The following CSF1R variants were observed in gnomAD, a reference collection of about 807,000 sequenced individuals.
The protein encoded by CSF1R is colony stimulating factor 1 receptor, also known as macrophage colony-stimulating factor 1 receptor.
A neutral mutation model predicts 110.0 loss-of-function variants in CSF1R; 40 were observed. The observed-to-expected ratio is 0.36, with a 90% CI of 0.28 to 0.47. The LOEUF (loss-of-function observed/expected upper bound fraction) is 0.47, where lower values mean the gene tolerates loss of function less well. CSF1R is among the 20% of genes least tolerant of loss of function. CSF1R has a pLI of 0.99. For missense variants in CSF1R, 1,052 were observed against 1,253.0 expected (o/e 0.84, Z 2.42); for synonymous variants, 523 against 503.4 (o/e 1.04, Z -0.52).
chr5:150,061,376 T>G (rs1757513339), intron 12 of CSF1R, 115 bp downstream of exon 12: 1 of 907,016 alleles, frequency 1.1e-6, no homozygotes, highest in Non-Finnish European at 1.7e-6. Context: ...CTGAGCTCTG[T>G]CCCCCAGGCT....
chr5:150,097,834 G>A (rs1759276858), intron 1 of CSF1R, among the ~76,000 whole-genome samples: 3 of 152,184 alleles, frequency 2.0e-5, no homozygotes, highest in Non-Finnish European at 2.9e-5. Flanking sequence ...TCTTCTCCAG[G>A]TTAACCTACA....
At chr5:150,099,641 A>G (rs1327286180) in intron 1 of CSF1R, among the ~76,000 whole-genome samples, 1 of 149,618 alleles carries the variant, frequency 6.7e-6, no homozygotes, top group Non-Finnish European at 1.5e-5. Flanking sequence ...AAGGCTTCAT[A>G]CTCTTTGATC....
At chr5:150,065,928 ATC>A (rs558522107) in intron 10 of CSF1R, among the ~76,000 whole-genome samples, 37 of 152,346 alleles carry the variant, frequency 2.4e-4, no homozygotes, top group African/African-American at 8.9e-4. Context: ...CTTCTCTGGA[ATC>A]TCTGCATGAC....
At chr5:150,079,945 A>C (rs1018917273) in intron 3 of CSF1R, 107 bp downstream of exon 3, 10 of 1,312,728 alleles carry the variant, frequency 7.6e-6, no homozygotes, top group Non-Finnish European at 1.1e-5. Flanking sequence ...GAAAGAGGAC[A>C]TCCCACTGCC....
Position 150,094,792 on chromosome 5 carries a change from A to C in CSF1R, c.-180-8185T>G, listed in dbSNP as rs201540702. 4.8e-3 allele frequency: 7,256 copies of C among 1,511,330 alleles called. 20 individuals carry two copies. The highest frequency in any genetic ancestry group is 5.8e-3 in the Non-Finnish European group (6,395 of 1,097,892). 93.6% of individuals were successfully genotyped at this position (1,511,330 alleles called of 1,614,324 possible). On this transcript the variant is annotated intron_variant, in intron 1 of 21. Transcript: ENST00000286301. ...AAGCGTGGTTATGGCAAAATCAATA[A>C]GAAGCGAATTGCTTTGACAGATAAC...
At chr5:150,073,258 A>C (rs1364921422) in intron 6 of CSF1R, 43 bp downstream of exon 6, 2 of 1,574,700 alleles carry the variant, frequency 1.3e-6, no homozygotes, top group Middle Eastern at 4.1e-4. Context: ...AGCATACCCC[A>C]TCTGGTTGTC....
At chr5:150,074,305 GTTTTTTTT>G (rs35475636) in intron 5 of CSF1R, among the ~76,000 whole-genome samples, 1 of 126,864 alleles carries the variant, frequency 7.9e-6, no homozygotes, top group Non-Finnish European at 1.6e-5. Flanking sequence ...GTCCTGACTA[GTTTTTTTT>G]TTTTTTTTTT....
Position 150,073,417 on chromosome 5 carries a change from T to G in CSF1R, c.966A>C (p.Lys322Asn). 1.2e-6 allele frequency: 2 copies of G among 1,614,104 alleles called. No individual in the cohort carries two copies. The highest frequency in any genetic ancestry group is 1.7e-6 in the Non-Finnish European group (2 of 1,180,010). ...GGCCTGGGTAGGCCTCCACCATGAC[T>G]TTGAGGTTGAGCCCCTCCCCCACGG... is the stretch of plus-strand genomic sequence containing the variant. ...EVTVGEGLNL[K>N]VMVEAYPGLQ... is the part of the protein sequence containing the mutation. Residue 322 changes from lysine to asparagine, a missense_variant, in exon 6 of 21, where the codon AAA (lysine) becomes AAC (asparagine). Lys to Asn is a moderately conservative substitution (Grantham distance 94). Transcript: ENST00000675795.
intron 10 of CSF1R, among the ~76,000 whole-genome samples, chr5:150,066,521 C>T (rs1757782291): frequency 6.6e-6 from 1 of 152,186 alleles, no homozygotes; most frequent in Non-Finnish European, 1.5e-5. Flanking sequence ...AACTAAGGCC[C>T]AGAGAGGACA....
At position 150,057,275 on chromosome 5, in the gene CSF1R, G is replaced by T; in HGVS notation, c.2319+12C>A. On this transcript the variant is annotated intron_variant, in intron 16 of 20. Coordinates refer to ENST00000675795, the MANE Select transcript of CSF1R (RefSeq NM_001288705.3). ...CTGGGTGGCTATGAGCCAGGGCCAG[G>T]TTCCTACTCACATTCTTGGAAGCGA... The T allele has an allele frequency of 6.2e-7, 1 of 1,611,322 alleles. No individual in the cohort carries two copies. Among genetic ancestry groups the T allele is most frequent in the Non-Finnish European group, 8.5e-7 (1 of 1,178,934 alleles).
chr5:150,080,008 C>T (rs777500456), intron 3 of CSF1R, 44 bp downstream of exon 3: 1 of 1,589,634 alleles, frequency 6.3e-7, no homozygotes, highest in Non-Finnish European at 8.6e-7. Context: ...GGCTCTCTGT[C>T]CCCACTCTTC....
In CSF1R at chr5:150,081,004, C is replaced by G. The variant is rs1758517587; in HGVS notation, c.70G>C (p.Glu24Gln). The change falls in exon 2 of 21, where the codon GAG becomes CAG. Residue 24 changes from glutamate to glutamine, a missense_variant. Around this residue, in one of 5 missense-constraint regions of CSF1R, gnomAD observed 693 missense variants for 735.4 expected, o/e 0.94. Transcript: ENST00000675795. ...ACGACCAGCTCAGGGACACTGGGCT[C>G]TATCACTGGGATTCCCTGACCTGGT... ...AWHGQGIPVI[E>Q]PSVPELVVKP... 2 of 1,613,960 alleles carry G rather than the reference C, an allele frequency of 1.2e-6. No homozygotes were observed. The highest frequency in any genetic ancestry group is 1.1e-5 in the South Asian group (1 of 91,064).
chr5:150,061,458 C>G lies in CSF1R; in HGVS notation c.1858+33G>C. ...GCCCACCCCCAGCATCTACCACCCC[C>G]CATCCCTTCCCTCATCCCCTCCCCT... On this transcript the variant is annotated intron_variant, in intron 12 of 20. Coordinates refer to ENST00000675795, the MANE Select transcript of CSF1R (RefSeq NM_001288705.3). 2.7e-6 allele frequency: 3 copies of G among 1,120,176 alleles called. 1 individual carries two copies. The highest frequency in any genetic ancestry group is 1.4e-5 in the South Asian group (1 of 72,346). The allele number at this position is 1,120,176 out of a possible 1,614,324, so 69.4% of individuals were successfully genotyped here.
chr5:150,097,264 G>GGGAA (rs1759252456), intron 1 of CSF1R, among the ~76,000 whole-genome samples: 1 of 79,920 alleles, frequency 1.3e-5, no homozygotes, highest in African/African-American at 6.8e-5. Context: ...AAAAAGAAAG[G>GGGAA]GAAAGAAGGA....
intron 8 of CSF1R, 49 bp from the exon 9 acceptor site, chr5:150,070,112 C>T: frequency 1.9e-6 from 3 of 1,608,684 alleles, no homozygotes; most frequent in Non-Finnish European, 2.5e-6. Context: ...CCAGCGCCAG[C>T]ATGTCCCTCC....
chr5:150,080,659 C>A (rs1758495631), intron 2 of CSF1R, 108 bp downstream of exon 2: 2 of 1,399,736 alleles, frequency 1.4e-6, no homozygotes, highest in Non-Finnish European at 2.0e-6. Flanking sequence ...TGCTCATAGC[C>A]AGCACTCAGT....
chr5:150,060,688 CCTGA>C (rs1358485221), intron 13 of CSF1R, among the ~76,000 whole-genome samples, 170 bp downstream of exon 13: 1 of 152,176 alleles, frequency 6.6e-6, no homozygotes, highest in Admixed American at 6.5e-5. Flanking sequence ...CCGTGCAGCT[CCTGA>C]CTATTCCAGG....
At chr5:150,090,706 A>T (rs1281299916), upstream of CSF1R, among the ~76,000 whole-genome samples, 1 of 152,204 alleles carries the variant, frequency 6.6e-6, no homozygotes, top group African/African-American at 2.4e-5. Flanking sequence ...ACAAAAAAAC[A>T]ATTAAATTTA....
intron 16 of CSF1R, 104 bp downstream of exon 16, chr5:150,057,183 T>C: frequency 2.2e-6 from 2 of 927,168 alleles, no homozygotes; most frequent in Admixed American, 2.1e-5. Context: ...TCTCCTCCCC[T>C]ACCCCCTCAC....
Sources: allele counts gnomAD v4.1 joint callset (sites outside exome capture counted in the v4.1 genomes callset), GRCh38; gene constraint gnomAD v4.1.1; regional missense constraint gnomAD v4.1.1; transcripts MANE v1.5; gene names NCBI Gene and HGNC (gene_info 2026-07-23, HGNC 2026-07-21).